Variants in MYO9A observed in about 807,000 individuals in gnomAD.
The protein encoded by MYO9A is myosin IXA.
In MYO9A, 103 loss-of-function variants were observed where a neutral mutation model predicts 293.3. That is an observed-to-expected ratio of 0.35 (90% CI 0.30 to 0.41). The LOEUF (loss-of-function observed/expected upper bound fraction) is 0.41, where lower values mean the gene tolerates loss of function less well. MYO9A is among the 10% of genes least tolerant of loss of function. MYO9A has a pLI of 1.00. For missense variants in MYO9A, 2,685 were observed against 3,033.0 expected (o/e 0.89, Z 2.69); for synonymous variants, 1,001 against 1,035.7 (o/e 0.97, Z 0.64).
chr15:72,006,625 T>C (rs888064350), intron 8 of MYO9A, among the ~76,000 whole-genome samples: 2 of 152,180 alleles, frequency 1.3e-5, no homozygotes, highest in African/African-American at 2.4e-5. Flanking sequence ...ATATGACTTC[T>C]TGCATCTGTC....
At chr15:71,893,003 G>A (rs2057222710) in intron 26 of MYO9A, 1 of 1,289,054 alleles carries the variant, frequency 7.8e-7, no homozygotes, top group South Asian at 1.2e-5. Context: ...CCCAGGCTGG[G>A]TGCAGGCCCT....
At chr15:71,975,321 T>TGC (rs2076111393) in intron 12 of MYO9A, among the ~76,000 whole-genome samples, 1 of 150,746 alleles carries the variant, frequency 6.6e-6, no homozygotes, top group Admixed American at 6.6e-5. Context: ...TGTGTGTGTG[T>TGC]GTAGGTTTTC....
intron 27 of MYO9A, 68 bp downstream of exon 27, chr15:71,887,935 AG>A: frequency 1.2e-6 from 1 of 853,264 alleles, no homozygotes; most frequent in East Asian, 2.8e-5. Flanking sequence ...AAAAAAGCTC[AG>A]TACTTAACTA....
At chr15:72,010,060 CAA>C (rs1008252687) in intron 7 of MYO9A, among the ~76,000 whole-genome samples, 1 of 151,978 alleles carries the variant, frequency 6.6e-6, no homozygotes, top group African/African-American at 2.4e-5. Context: ...TGTTACAAAG[CAA>C]AAGTTTTAAG....
At chr15:72,000,411 A>T (rs1463171067) in intron 8 of MYO9A, among the ~76,000 whole-genome samples, 1 of 152,196 alleles carries the variant, frequency 6.6e-6, no homozygotes, top group East Asian at 1.9e-4. Flanking sequence ...CTTATTCATG[A>T]ATGATAAACT....
intron 15 of MYO9A, among the ~76,000 whole-genome samples, chr15:71,942,571 T>C (rs922839422): frequency 2.6e-5 from 4 of 152,146 alleles, no homozygotes; most frequent in Non-Finnish European, 5.9e-5. Flanking sequence ...CAGGCTTCTA[T>C]TGTTTTCTTT....
intron 14 of MYO9A, among the ~76,000 whole-genome samples, chr15:71,958,151 A>G (rs527419689): frequency 6.6e-6 from 1 of 152,218 alleles, no homozygotes; most frequent in East Asian, 1.9e-4. Context: ...CATATCCAAC[A>G]TCTAGAATTG....
chr15:72,093,531 C>G (rs1400702874), intron 1 of MYO9A, among the ~76,000 whole-genome samples: 2 of 150,808 alleles, frequency 1.3e-5, no homozygotes, highest in African/African-American at 4.9e-5. Context: ...GAAAAAATGA[C>G]TTAGCAAATA....
chr15:72,046,082 G>C lies in MYO9A; in HGVS notation c.482C>G (p.Thr161Ser), dbSNP rs2929516. The C allele has an allele frequency of 3.1e-6, 5 of 1,613,754 alleles. No individual in the cohort carries two copies. Among genetic ancestry groups the C allele is most frequent in the Middle Eastern group, 3.3e-4 (2 of 6,058 alleles). Residue 161 changes from threonine (T) to serine (S), a missense_variant, in exon 2 of 42, where the codon ACT (threonine) becomes AGT (serine). Physicochemically the swap from Thr to Ser is moderately conservative, Grantham distance 58. Around this residue, in one of 10 missense-constraint regions of MYO9A, gnomAD observed 289 missense variants for 456.8 expected, o/e 0.63. Coordinates refer to ENST00000356056, the MANE Select transcript of MYO9A (RefSeq NM_006901.4). ...LCSLPDLNEK[T>S]LLENLRNRFK... ...GCGATTTCGTAGGTTTTCTAAGAGA[G>C]TTTTCTCATTCAAATCAGGTAAACT...
intron 1 of MYO9A, among the ~76,000 whole-genome samples, chr15:72,111,757 C>T (rs904636067): frequency 2.6e-5 from 4 of 151,830 alleles, no homozygotes; most frequent in Admixed American, 2.6e-4. Flanking sequence ...CCACCTCAGC[C>T]TCCCAAGTAG....
At chr15:71,975,781 ACT>A (rs1026307373) in intron 12 of MYO9A, among the ~76,000 whole-genome samples, 22 of 151,986 alleles carry the variant, frequency 1.4e-4, no homozygotes, top group African/African-American at 5.3e-4. Flanking sequence ...ATGAGATCAT[ACT>A]CTTTTTGTCC....
At chr15:72,041,138 G>T in intron 2 of MYO9A, 4 of 699,822 alleles carry the variant, frequency 5.7e-6, no homozygotes, top group Admixed American at 1.9e-5. Context: ...CCACCTATTT[G>T]GGAGGCTGAG....
intron 1 of MYO9A, 92 bp downstream of exon 1, chr15:72,117,588 G>C (rs1349639892): frequency 2.1e-5 from 8 of 385,038 alleles, no homozygotes; most frequent in African/African-American, 6.2e-5. Context: ...CCGCTGGGAC[G>C]GGGCGGGGCG....
chr15:71,865,242 T>C (rs2056283934), intron 32 of MYO9A, among the ~76,000 whole-genome samples: 2 of 152,170 alleles, frequency 1.3e-5, no homozygotes, highest in South Asian at 4.1e-4. Flanking sequence ...TGTCAGTTGT[T>C]TTCCTTGAAG....
chr15:72,046,785 C>A, intron 1 of MYO9A, 151 bp from the exon 2 acceptor site: 1 of 420,204 alleles, frequency 2.4e-6, no homozygotes, highest in Non-Finnish European at 4.1e-6. Context: ...TCATTGAGAC[C>A]ACATAATATT....
chr15:71,935,326 C>T lies in MYO9A; in HGVS notation c.2522+15G>A, dbSNP rs2058609250. The T allele has an allele frequency of 1.3e-6, 2 of 1,558,476 alleles. No individual in the cohort carries two copies. Among genetic ancestry groups the T allele is most frequent in the South Asian group, 2.5e-5 (2 of 80,238 alleles). ...AAAAAACAAAAAACAATTTACATTACTGATTAGTACTGACGTGAGAATTCC... is the reference window on the plus strand; with the variant it reads ...AAAAAACAAAAAACAATTTACATTATTGATTAGTACTGACGTGAGAATTCC... On this transcript the variant is annotated intron_variant, in intron 17 of 41. Coordinates refer to ENST00000356056, the MANE Select transcript of MYO9A (RefSeq NM_006901.4).
chr15:71,991,073 G>A, intron 11 of MYO9A, 30 bp downstream of exon 11: 1 of 1,500,086 alleles, frequency 6.7e-7, no homozygotes. Context: ...TGTGATGGGG[G>A]GACAAGTGTA....
At chr15:71,846,144 C>T (rs2055376374) in intron 39 of MYO9A, among the ~76,000 whole-genome samples, 1 of 152,144 alleles carries the variant, frequency 6.6e-6, no homozygotes, top group Non-Finnish European at 1.5e-5. Flanking sequence ...CCATATCTTG[C>T]AAGGGACTAT....
At chr15:71,969,606 G>A (rs2929530) in intron 12 of MYO9A, among the ~76,000 whole-genome samples, 141,011 of 152,172 alleles carry the variant, frequency 0.93, 65,671 homozygotes, top group Non-Finnish European at 0.97. Flanking sequence ...TGCTCACTTC[G>A]TCGTCTCTAG....
Sources: allele counts gnomAD v4.1 joint callset (sites outside exome capture counted in the v4.1 genomes callset), GRCh38; gene constraint gnomAD v4.1.1; regional missense constraint gnomAD v4.1.1; transcripts MANE v1.5; gene names NCBI Gene and HGNC (gene_info 2026-07-23, HGNC 2026-07-21).